PPP2R5A: variants seen among roughly 807,000 people sequenced by gnomAD.
The protein encoded by PPP2R5A is serine/threonine-protein phosphatase 2A 56 kDa regulatory subunit alpha isoform.
PPP2R5A carries 25 observed loss-of-function variants against 64.2 expected under a neutral mutation model. That is an observed-to-expected ratio of 0.39 (90% CI 0.28 to 0.54). PPP2R5A has a LOEUF of 0.54. Among genes scored for constraint, PPP2R5A ranks in the 20% least tolerant of loss-of-function variants. PPP2R5A has a pLI of 0.67. For synonymous variants in PPP2R5A, 198 were observed against 201.2 expected, an observed-to-expected ratio of 0.98 and a Z score of 0.13; for missense variants, 425 against 576.3, an observed-to-expected ratio of 0.74 and a Z score of 2.69.
chr1:212,321,038 C>T (rs1354719783), intron 1 of PPP2R5A, among the ~76,000 whole-genome samples: 6 of 76,580 alleles, frequency 7.8e-5, no homozygotes, highest in African/African-American at 2.4e-4. Flanking sequence ...CCTCACCTCC[C>T]GGACGGGGCG....
chr1:212,303,590 A>G (rs1429332816), intron 1 of PPP2R5A, among the ~76,000 whole-genome samples: 2 of 151,756 alleles, frequency 1.3e-5, no homozygotes, highest in African/African-American at 4.8e-5. Context: ...GTGCTTTTGG[A>G]GTCATTTCTA....
chr1:212,314,557 ATT>A (rs1212438178), intron 1 of PPP2R5A, among the ~76,000 whole-genome samples: 8 of 127,774 alleles, frequency 6.3e-5, no homozygotes, highest in Admixed American at 7.8e-5. Context: ...CACCAAGCCT[ATT>A]TTTTTTTTTT....
chr1:212,347,160 G>A (rs1659796098), intron 5 of PPP2R5A, among the ~76,000 whole-genome samples, 187 bp from the exon 6 acceptor site: 1 of 152,156 alleles, frequency 6.6e-6, no homozygotes, highest in African/African-American at 2.4e-5. Context: ...TAGTTCAGTA[G>A]GAAACATCTT....
At chr1:212,302,150 T>C in intron 1 of PPP2R5A, 1 of 1,416,046 alleles carries the variant, frequency 7.1e-7, no homozygotes, top group Non-Finnish European at 9.6e-7. Flanking sequence ...AGGAGAGAAA[T>C]GAATAGAGAC....
chr1:212,317,236 CTTTT>C (rs547781299), intron 1 of PPP2R5A, among the ~76,000 whole-genome samples: 4 of 151,632 alleles, frequency 2.6e-5, no homozygotes, highest in Admixed American at 2.6e-4. Context: ...GTTTTTATCT[CTTTT>C]TTTTGGTGGG....
At chr1:212,349,832 A>T (rs956122526) in intron 8 of PPP2R5A, among the ~76,000 whole-genome samples, 1 of 152,220 alleles carries the variant, frequency 6.6e-6, no homozygotes, top group Non-Finnish European at 1.5e-5. Context: ...ATAATTAGTT[A>T]TGAAAATTTA....
chr1:212,288,781 C>A (rs1038997621), intron 1 of PPP2R5A, among the ~76,000 whole-genome samples: 4 of 152,162 alleles, frequency 2.6e-5, no homozygotes, highest in African/African-American at 9.7e-5. Context: ...AAAGAATTTT[C>A]TTCCTCCTCT....
chr1:212,331,141 C>A (rs1243988133), intron 2 of PPP2R5A, among the ~76,000 whole-genome samples: 4 of 144,418 alleles, frequency 2.8e-5, no homozygotes, highest in African/African-American at 7.8e-5. Context: ...GCACTCCAGG[C>A]TGGGCGACAG....
chr1:212,291,673 T>A (rs1381022853), intron 1 of PPP2R5A, among the ~76,000 whole-genome samples: 1 of 152,222 alleles, frequency 6.6e-6, no homozygotes, highest in African/African-American at 2.4e-5. Context: ...CTATTTACAT[T>A]TCACTCTCTT....
At chr1:212,349,988 T>C (rs1218049575) in intron 8 of PPP2R5A, among the ~76,000 whole-genome samples, 2 of 152,228 alleles carry the variant, frequency 1.3e-5, no homozygotes, top group African/African-American at 4.8e-5. Context: ...TAGTATTAGG[T>C]TGGTACAAAA....
intron 9 of PPP2R5A, 113 bp downstream of exon 9, chr1:212,356,789 T>G: frequency 7.5e-7 from 1 of 1,335,902 alleles, no homozygotes; most frequent in African/African-American, 1.5e-5. Flanking sequence ...GCGGGAGATG[T>G]ACACAGACTT....
intron 1 of PPP2R5A, among the ~76,000 whole-genome samples, chr1:212,287,824 C>T (rs1231459101): frequency 2.0e-5 from 3 of 151,444 alleles, no homozygotes; most frequent in East Asian, 1.9e-4. Flanking sequence ...TTTTTTTTCT[C>T]CCATTAAATT....
chr1:212,332,417 T>TA (rs765767313), intron 2 of PPP2R5A, among the ~76,000 whole-genome samples: 3 of 152,280 alleles, frequency 2.0e-5, no homozygotes, highest in African/African-American at 7.2e-5. Flanking sequence ...TCATTATTCT[T>TA]AAAAAAATTG....
chr1:212,302,107 A>C, intron 1 of PPP2R5A: 1 of 1,502,062 alleles, frequency 6.7e-7, no homozygotes, highest in Non-Finnish European at 9.0e-7. Context: ...GTATATTAAG[A>C]TTTCAGTGTT....
At chr1:212,291,907 T>C (rs1379023847) in intron 1 of PPP2R5A, among the ~76,000 whole-genome samples, 1 of 152,226 alleles carries the variant, frequency 6.6e-6, no homozygotes, top group African/African-American at 2.4e-5. Context: ...TGCCTAATTT[T>C]AATCCCATCA....
intron 1 of PPP2R5A, among the ~76,000 whole-genome samples, chr1:212,317,957 AT>A (rs1487440971): frequency 5.9e-5 from 9 of 152,094 alleles, no homozygotes; most frequent in African/African-American, 1.7e-4. Flanking sequence ...CAAAAAAAAA[AT>A]TAAAAAAAAA....
chr1:212,345,962 C>T (rs1331505136), intron 5 of PPP2R5A, 29 bp downstream of exon 5: 2 of 1,537,630 alleles, frequency 1.3e-6, no homozygotes, highest in South Asian at 2.4e-5. Flanking sequence ...GTATATTGCA[C>T]CTTTTCCTCC....
chr1:212,330,501 A>G (rs564512448), intron 2 of PPP2R5A, among the ~76,000 whole-genome samples: 1 of 151,974 alleles, frequency 6.6e-6, no homozygotes, highest in East Asian at 1.9e-4. Context: ...GTGAGCCATG[A>G]TCACCACTGC....
intron 1 of PPP2R5A, among the ~76,000 whole-genome samples, chr1:212,321,015 A>G (rs1407987191): frequency 1.4e-4 from 5 of 36,616 alleles, no homozygotes; most frequent in East Asian, 1.0e-3. Context: ...AGGGGCGGCC[A>G]GGTAGAGGCG....
Sources: gnomAD v4.1 joint callset for allele counts (sites outside exome capture counted in the v4.1 genomes callset) on GRCh38, gnomAD v4.1.1 for gene constraint, MANE v1.5 for transcripts, NCBI Gene and HGNC (gene_info 2026-07-23, HGNC 2026-07-21) for gene names.